The following RIC1 variants were observed in gnomAD, a reference collection of about 807,000 sequenced individuals.
The protein encoded by RIC1 is RIC1 partner of RAB6A GEF complex.
In RIC1, 88 loss-of-function variants were observed where a neutral mutation model predicts 169.0. That is an observed-to-expected ratio of 0.52 (90% CI 0.44 to 0.62). RIC1 has a LOEUF of 0.62. Ranked by LOEUF, RIC1 falls within the 20% of genes least tolerant of loss-of-function variation. The probability of loss-of-function intolerance (pLI) is 0.00; values close to 1 mark genes in which losing one functional copy is unlikely to be tolerated. For synonymous variants in RIC1, 790 were observed against 601.5 expected, an observed-to-expected ratio of 1.31 and a Z score of -4.59; for missense variants, 1,877 against 1,725.5, an observed-to-expected ratio of 1.09 and a Z score of -1.56.
intron 6 of RIC1, among the ~76,000 whole-genome samples, chr9:5,724,884 G>T (rs1215704203): frequency 6.6e-6 from 1 of 152,150 alleles, no homozygotes; most frequent in Non-Finnish European, 1.5e-5. Context: ...TCTTGAACCA[G>T]CCTTGCATCC....
chr9:5,643,503 T>G (rs957535625), intron 1 of RIC1, among the ~76,000 whole-genome samples: 18 of 152,172 alleles, frequency 1.2e-4, no homozygotes, highest in African/African-American at 4.3e-4. Context: ...GTGAAACCCT[T>G]TCTCAAAAAA....
At chr9:5,678,818 T>C (rs1254989929) in intron 2 of RIC1, among the ~76,000 whole-genome samples, 3 of 152,212 alleles carry the variant, frequency 2.0e-5, no homozygotes, top group African/African-American at 7.2e-5. Context: ...GATGGTAGTT[T>C]CTTTTGCTGT....
At chr9:5,706,900 T>A (rs1822624961) in intron 3 of RIC1, among the ~76,000 whole-genome samples, 1 of 152,160 alleles carries the variant, frequency 6.6e-6, no homozygotes, top group East Asian at 1.9e-4. Flanking sequence ...TTTCTCTGTT[T>A]TTCTATTCTC....
chr9:5,747,217 G>A (rs1264258357), intron 11 of RIC1, 85 bp from the exon 12 acceptor site: 12 of 967,696 alleles, frequency 1.2e-5, no homozygotes, highest in Middle Eastern at 2.1e-4. Flanking sequence ...AAACTAAATC[G>A]ATGTGTTATT....
At chr9:5,714,914 A>T (rs907575367) in intron 4 of RIC1, among the ~76,000 whole-genome samples, 6 of 152,150 alleles carry the variant, frequency 3.9e-5, no homozygotes, top group African/African-American at 9.7e-5. Context: ...TGCTACTTTT[A>T]AAAAAATCCC....
At chr9:5,742,609 A>G (rs961202187) in intron 8 of RIC1, among the ~76,000 whole-genome samples, 2 of 152,132 alleles carry the variant, frequency 1.3e-5, no homozygotes, top group Non-Finnish European at 2.9e-5. Flanking sequence ...TTATAAGTTA[A>G]TCAAGCTAAT....
At chr9:5,636,025 C>T (rs1212630557) in intron 1 of RIC1, among the ~76,000 whole-genome samples, 1 of 152,176 alleles carries the variant, frequency 6.6e-6, no homozygotes, top group Admixed American at 6.5e-5. Context: ...CTCAAGATGG[C>T]CTTGGCTATT....
chr9:5,641,509 T>G (rs1818245458), intron 1 of RIC1, among the ~76,000 whole-genome samples: 1 of 152,152 alleles, frequency 6.6e-6, no homozygotes, highest in African/African-American at 2.4e-5. Context: ...TGAATGAACT[T>G]TCTACTCCGG....
At chr9:5,761,938 A>G (rs1270018079) in intron 17 of RIC1, among the ~76,000 whole-genome samples, 2 of 152,190 alleles carry the variant, frequency 1.3e-5, no homozygotes, top group African/African-American at 4.8e-5. Context: ...CTCCTCAGTA[A>G]CCTATCCTGA....
intron 2 of RIC1, among the ~76,000 whole-genome samples, chr9:5,667,321 C>G (rs911103701): frequency 6.6e-6 from 1 of 152,010 alleles, no homozygotes; most frequent in Non-Finnish European, 1.5e-5. Context: ...GACTCCGTAT[C>G]AGGAAAAAAA....
At chr9:5,750,056 C>T (rs761476259) in intron 12 of RIC1, among the ~76,000 whole-genome samples, 2 of 151,796 alleles carry the variant, frequency 1.3e-5, no homozygotes, top group Non-Finnish European at 2.9e-5. Flanking sequence ...GGATTACAGG[C>T]GTGAGCCACC....
At chr9:5,638,424 T>A (rs1163634852) in intron 1 of RIC1, among the ~76,000 whole-genome samples, 2 of 152,222 alleles carry the variant, frequency 1.3e-5, no homozygotes, top group Non-Finnish European at 2.9e-5. Context: ...GTATTGGTGT[T>A]CTTCTTTAAA....
Position 5,659,351 on chromosome 9 carries a change from T to G in RIC1, c.252+2661T>G, listed in dbSNP as rs1009626165. Among the ~76,000 whole-genome samples the G allele has an allele frequency of 2.0e-5, 3 of 152,148 alleles. No individual in the cohort carries two copies. The East Asian group carries it at 5.8e-4, about 29-fold the overall frequency. On this transcript the variant is annotated intron_variant, in intron 2 of 25. Coordinates refer to ENST00000414202, the MANE Select transcript of RIC1 (RefSeq NM_020829.4). ...AAGTGGAATCCTCCAATTTTATTGT[T>G]GTATTTCAGGATATAAGTCATGTCA...
intron 3 of RIC1, among the ~76,000 whole-genome samples, chr9:5,696,202 C>T (rs891463382): frequency 3.9e-5 from 6 of 152,050 alleles, no homozygotes; most frequent in African/African-American, 1.4e-4. Context: ...ACTCATTTCT[C>T]TTCCCCTAGT....
chr9:5,759,824 A>C (rs1936317620), intron 17 of RIC1, among the ~76,000 whole-genome samples: 1 of 152,230 alleles, frequency 6.6e-6, no homozygotes, highest in African/African-American at 2.4e-5. Context: ...AAATCTTGAT[A>C]ATTGTGAATC....
chr9:5,652,864 G>T (rs1386567627), intron 1 of RIC1, among the ~76,000 whole-genome samples: 1 of 152,036 alleles, frequency 6.6e-6, no homozygotes, highest in Non-Finnish European at 1.5e-5. Context: ...TTATTGTGTT[G>T]AGTTACATTC....
At chr9:5,700,984 C>T (rs1279888800) in intron 3 of RIC1, among the ~76,000 whole-genome samples, 1 of 152,156 alleles carries the variant, frequency 6.6e-6, no homozygotes, top group Non-Finnish European at 1.5e-5. Flanking sequence ...GCTTTTAGTT[C>T]AGATTCTTCT....
At chr9:5,636,079 T>C (rs1169942549) in intron 1 of RIC1, among the ~76,000 whole-genome samples, 1 of 152,244 alleles carries the variant, frequency 6.6e-6, no homozygotes, top group Admixed American at 6.5e-5. Flanking sequence ...ATTGTTTTTC[T>C]GTTTATGTGA....
At chr9:5,766,958 C>G (rs1052873762) in intron 21 of RIC1, among the ~76,000 whole-genome samples, 1 of 152,204 alleles carries the variant, frequency 6.6e-6, no homozygotes, top group Admixed American at 6.5e-5. Flanking sequence ...ACATTCCCAC[C>G]GGCAGTGTAG....
Sources: gnomAD v4.1 joint callset for allele counts (sites outside exome capture counted in the v4.1 genomes callset) on GRCh38, gnomAD v4.1.1 for gene constraint, MANE v1.5 for transcripts, NCBI Gene and HGNC (gene_info 2026-07-23, HGNC 2026-07-21) for gene names.